Variants in TAFA1 observed in about 807,000 individuals in gnomAD.
TAFA1 encodes the protein chemokine-like protein TAFA-1.
Under a neutral mutation model 18.5 loss-of-function variants are expected in TAFA1, and 4 were observed. The ratio of observed to expected loss-of-function variants is 0.22; its 90% CI spans 0.11 to 0.49. The LOEUF (loss-of-function observed/expected upper bound fraction) is 0.49, where lower values mean the gene tolerates loss of function less well. Among genes scored for constraint, TAFA1 ranks in the 20% least tolerant of loss-of-function variants. TAFA1 has a pLI of 0.98. For synonymous variants in TAFA1, 56 were observed against 55.2 expected (o/e 1.01, Z -0.06); for missense variants, 147 against 169.0 (o/e 0.87, Z 0.72).
intron 2 of TAFA1, among the ~76,000 whole-genome samples, chr3:68,352,029 T>C (rs1321809279): frequency 6.6e-6 from 1 of 151,938 alleles, no homozygotes; most frequent in Non-Finnish European, 1.5e-5. Flanking sequence ...TTAAGAGCAT[T>C]AAGGAATAGA....
intron 2 of TAFA1, among the ~76,000 whole-genome samples, chr3:68,226,062 T>G (rs1337457091): frequency 6.6e-6 from 1 of 152,202 alleles, no homozygotes; most frequent in Non-Finnish European, 1.5e-5. Flanking sequence ...TCAGGTCCAA[T>G]TTTCAGAGTT....
At chr3:68,071,050 C>T (rs1182578139) in intron 2 of TAFA1, among the ~76,000 whole-genome samples, 3 of 152,238 alleles carry the variant, frequency 2.0e-5, no homozygotes, top group Non-Finnish European at 2.9e-5. Flanking sequence ...TTCACTTCCA[C>T]ATTTTCAGGT....
At chr3:68,432,395 A>G (rs917846322) in intron 3 of TAFA1, among the ~76,000 whole-genome samples, 2 of 152,068 alleles carry the variant, frequency 1.3e-5, no homozygotes, top group African/African-American at 4.8e-5. Context: ...GCATATTGTG[A>G]GCCCTCAATT....
intron 3 of TAFA1, among the ~76,000 whole-genome samples, chr3:68,431,724 C>A (rs1356310877): frequency 6.6e-6 from 1 of 151,992 alleles, no homozygotes; most frequent in African/African-American, 2.4e-5. Flanking sequence ...CCTAATTCTG[C>A]CACTGATTAG....
intron 2 of TAFA1, among the ~76,000 whole-genome samples, chr3:68,010,770 A>G (rs1704455345): frequency 6.6e-6 from 1 of 152,212 alleles, no homozygotes; most frequent in Non-Finnish European, 1.5e-5. Flanking sequence ...TCAATAATTT[A>G]ATATTTGGCT....
At chr3:68,009,874 C>A (rs1704436640) in intron 2 of TAFA1, among the ~76,000 whole-genome samples, 1 of 152,092 alleles carries the variant, frequency 6.6e-6, no homozygotes, top group Non-Finnish European at 1.5e-5. Context: ...AGATAGAAAT[C>A]AGGGCCAGTT....
intron 2 of TAFA1, among the ~76,000 whole-genome samples, chr3:68,383,038 T>C (rs2070009598): frequency 6.6e-6 from 1 of 152,178 alleles, no homozygotes; most frequent in Non-Finnish European, 1.5e-5. Context: ...CTAGTGATTT[T>C]TGTACATTGA....
chr3:68,535,525 G>C (rs900616565), intron 3 of TAFA1, among the ~76,000 whole-genome samples: 5 of 152,006 alleles, frequency 3.3e-5, no homozygotes, highest in African/African-American at 1.2e-4. Flanking sequence ...TACCACCTAT[G>C]CTTGCTGGCC....
chr3:68,419,383 T>C (rs148802806), intron 3 of TAFA1, among the ~76,000 whole-genome samples: 1 of 152,242 alleles, frequency 6.6e-6, no homozygotes, highest in East Asian at 1.9e-4. Flanking sequence ...TAGTGTTCCA[T>C]TCATCCTATG....
At chr3:68,482,529 G>C (rs2072256732) in intron 3 of TAFA1, among the ~76,000 whole-genome samples, 1 of 152,172 alleles carries the variant, frequency 6.6e-6, no homozygotes, top group Non-Finnish European at 1.5e-5. Context: ...ACTTGCAAAA[G>C]GGGATAACAT....
intron 2 of TAFA1, among the ~76,000 whole-genome samples, chr3:68,205,011 C>T (rs1575678406): frequency 6.6e-6 from 1 of 151,896 alleles, no homozygotes; most frequent in East Asian, 2.0e-4. Context: ...AATTGCAGAT[C>T]TACATACAGT....
At chr3:68,292,411 CAA>C (rs1355551511) in intron 2 of TAFA1, among the ~76,000 whole-genome samples, 17 of 50,054 alleles carry the variant, frequency 3.4e-4, no homozygotes, top group Admixed American at 2.7e-3. Context: ...GAGACTCTGT[CAA>C]AAAAAAAAAA....
At chr3:68,410,645 C>G (rs1353726666) in intron 2 of TAFA1, among the ~76,000 whole-genome samples, 1 of 111,546 alleles carries the variant, frequency 9.0e-6, no homozygotes, top group Non-Finnish European at 1.7e-5. Context: ...CTTCATCTGT[C>G]TTGTTTTTTA....
Position 68,047,157 on chromosome 3 carries a change from C to T in TAFA1, c.118+40413C>T, listed in dbSNP as rs78498799. 9.9e-3 allele frequency among the ~76,000 whole-genome samples: 1,500 copies of T among 151,112 alleles called. 28 individuals carry two copies. Among genetic ancestry groups the T allele is most frequent in the African/African-American group, 0.035 (1,416 of 40,484 alleles). On this transcript the variant is annotated intron_variant, in intron 2 of 4. Transcript: ENST00000478136. ...TACACATATTATCTTTATAAAGCAC[C>T]GACAGTGAGAGCAGTTTTTCTTTCT...
intron 2 of TAFA1, among the ~76,000 whole-genome samples, chr3:68,343,547 G>A (rs1447340095): frequency 6.6e-6 from 1 of 152,128 alleles, no homozygotes; most frequent in Non-Finnish European, 1.5e-5. Flanking sequence ...CCATGCTGAG[G>A]TACCCATGGA....
In TAFA1 at chr3:68,482,249, C is replaced by T. The variant is rs921241768; in HGVS notation, c.260-56507C>T. On this transcript the variant is annotated intron_variant, in intron 3 of 4. Transcript: ENST00000478136. The stretch of plus-strand genomic sequence containing the variant: ...ATGGTTTCGATCTGACCTCGTGATC[C>T]GCCCGCCTCGGCCTCCCAAAGTGCT... 5.3e-5 allele frequency among the ~76,000 whole-genome samples: 8 copies of T among 152,230 alleles called. No individual in the cohort carries two copies. In the East Asian group the frequency reaches 9.7e-4, roughly 18 times the overall value.
intron 2 of TAFA1, among the ~76,000 whole-genome samples, chr3:68,365,650 T>G (rs1044271739): frequency 6.6e-6 from 1 of 152,126 alleles, no homozygotes; most frequent in Admixed American, 6.5e-5. Flanking sequence ...ACTGGGTAAT[T>G]GATAAAGAAA....
Position 68,466,925 on chromosome 3 carries a change from T to C in TAFA1, c.259+49505T>C, listed in dbSNP as rs566790734. Among the ~76,000 whole-genome samples the C allele has an allele frequency of 2.4e-4, 36 of 152,328 alleles. 1 individual carries two copies. The East Asian group carries it at 6.7e-3, about 29-fold the overall frequency. Reference sequence around the variant, plus strand: ...AGGTTCCGTGATGCCCCATGAGCAGTAAAACCAGCAAGTTTTTATTAGCCA... The same window carrying C: ...AGGTTCCGTGATGCCCCATGAGCAGCAAAACCAGCAAGTTTTTATTAGCCA... On this transcript the variant is annotated intron_variant, in intron 3 of 4. Transcript: ENST00000478136.
intron 2 of TAFA1, among the ~76,000 whole-genome samples, chr3:68,160,855 G>C (rs925380518): frequency 6.6e-6 from 1 of 152,184 alleles, no homozygotes; most frequent in Admixed American, 6.5e-5. Flanking sequence ...GCTAACCGCA[G>C]AGCCCATGCT....
Sources: allele counts gnomAD v4.1 joint callset (sites outside exome capture counted in the v4.1 genomes callset), GRCh38; gene constraint gnomAD v4.1.1; transcripts MANE v1.5; gene names NCBI Gene and HGNC (gene_info 2026-07-23, HGNC 2026-07-21).